The following DGKB variants were observed in gnomAD, a reference collection of about 807,000 sequenced individuals.
The protein encoded by DGKB is 90 kDa diacylglycerol kinase.
A neutral mutation model predicts 114.3 loss-of-function variants in DGKB; 67 were observed. The observed-to-expected ratio is 0.59, with a 90% CI of 0.48 to 0.72. The LOEUF is 0.72. Ranked by LOEUF, DGKB falls within the 30% of genes least tolerant of loss-of-function variation. The probability of loss-of-function intolerance (pLI) is 0.00; values close to 1 mark genes in which losing one functional copy is unlikely to be tolerated. For synonymous variants in DGKB, 398 were observed against 323.1 expected, an observed-to-expected ratio of 1.23 and a Z score of -2.49; for missense variants, 907 against 975.2, an observed-to-expected ratio of 0.93 and a Z score of 0.93.
chr7:14,666,919 C>T (rs1458646896), intron 13 of DGKB, among the ~76,000 whole-genome samples: 1 of 151,896 alleles, frequency 6.6e-6, no homozygotes, highest in Admixed American at 6.6e-5. Context: ...CCTCAGAAAA[C>T]TAATTATATC....
At chr7:14,684,522 G>T (rs990550182) in intron 10 of DGKB, among the ~76,000 whole-genome samples, 1 of 152,088 alleles carries the variant, frequency 6.6e-6, no homozygotes, top group Admixed American at 6.6e-5. Flanking sequence ...AGGTAGATAT[G>T]CTGTAGATTT....
At chr7:14,905,244 GT>G (rs55752603), upstream of DGKB, among the ~76,000 whole-genome samples, 2,746 of 139,322 alleles carry the variant, frequency 0.02, 35 homozygotes, top group African/African-American at 0.031. Flanking sequence ...CATCTTGTTA[GT>G]TTTTTTTTTT....
At chr7:14,306,467 A>G (rs2128497326) in intron 23 of DGKB, among the ~76,000 whole-genome samples, 1 of 152,230 alleles carries the variant, frequency 6.6e-6, no homozygotes, top group East Asian at 1.9e-4. Context: ...TAATAACAAT[A>G]AAATCAATGC....
intron 1 of DGKB, among the ~76,000 whole-genome samples, chr7:14,961,273 GAAC>G (rs1786828916): frequency 6.6e-6 from 1 of 151,832 alleles, no homozygotes; most frequent in African/African-American, 2.4e-5. Context: ...AAAGTTTTTT[GAAC>G]AAAACATTGA....
In DGKB at chr7:14,519,274, G is replaced by A. The variant is rs567797931; in HGVS notation, c.1771-41049C>T. Among the ~76,000 whole-genome samples the A allele has an allele frequency of 1.4e-3, 219 of 151,884 alleles. 1 individual carries two copies. The highest frequency in any genetic ancestry group is 2.5e-3 in the Non-Finnish European group (170 of 67,910). On this transcript the variant is annotated intron_variant, in intron 20 of 25. Transcript: ENST00000402815. ...TCTCTCCTCTGACCACCAGCCTCAGGCAACCTCTGATATAAATTTTTTTCT... is the reference window on the plus strand; with the variant it reads ...TCTCTCCTCTGACCACCAGCCTCAGACAACCTCTGATATAAATTTTTTTCT...
At chr7:14,686,179 A>G (rs956766415) in intron 9 of DGKB, among the ~76,000 whole-genome samples, 2 of 151,996 alleles carry the variant, frequency 1.3e-5, no homozygotes, top group East Asian at 3.9e-4. Context: ...AAAACACTTT[A>G]TTTTTTTCTC....
chr7:14,913,976 G>C (rs1784115731), intron 1 of DGKB, among the ~76,000 whole-genome samples: 1 of 152,166 alleles, frequency 6.6e-6, no homozygotes. Context: ...CAAGTAACTG[G>C]TATTAATAGT....
intron 1 of DGKB, among the ~76,000 whole-genome samples, chr7:14,920,061 A>G (rs2128246799): frequency 6.6e-6 from 1 of 152,334 alleles, no homozygotes; most frequent in East Asian, 1.9e-4. Flanking sequence ...ACAAACATGT[A>G]GAGGATGACA....
chr7:14,231,127 C>CTTT (rs1554297195), intron 23 of DGKB, among the ~76,000 whole-genome samples: 9 of 125,100 alleles, frequency 7.2e-5, no homozygotes, highest in South Asian at 2.6e-4. Flanking sequence ...TTCTTTCTTT[C>CTTT]TTTCTTTCTT....
chr7:14,194,703 A>G (rs1030175995), intron 23 of DGKB, among the ~76,000 whole-genome samples: 2 of 152,168 alleles, frequency 1.3e-5, no homozygotes. Flanking sequence ...ATATATATTC[A>G]TAGTGGAAGC....
chr7:14,644,044 G>A (rs1812405057), intron 13 of DGKB, among the ~76,000 whole-genome samples: 2 of 151,398 alleles, frequency 1.3e-5, no homozygotes, highest in South Asian at 4.2e-4. Context: ...AGAAAGTTAT[G>A]ACAGAGCCTC....
At chr7:14,676,680 C>A (rs1370606853) in intron 12 of DGKB, among the ~76,000 whole-genome samples, 1 of 151,942 alleles carries the variant, frequency 6.6e-6, no homozygotes, top group Non-Finnish European at 1.5e-5. Flanking sequence ...CAGCTGGGTC[C>A]TTCTCAGTGT....
chr7:14,784,046 G>A (rs1211263873), intron 2 of DGKB, among the ~76,000 whole-genome samples: 1 of 152,048 alleles, frequency 6.6e-6, no homozygotes, highest in East Asian at 1.9e-4. Flanking sequence ...ATATAATGTT[G>A]AGTTTTACTG....
chr7:14,669,894 AT>A (rs2128941997), intron 13 of DGKB, among the ~76,000 whole-genome samples: 1 of 152,274 alleles, frequency 6.6e-6, no homozygotes, highest in South Asian at 2.1e-4. Context: ...GATAATAAGG[AT>A]GTAACCTCTC....
intron 23 of DGKB, among the ~76,000 whole-genome samples, chr7:14,301,851 A>T (rs1243127479): frequency 6.6e-6 from 1 of 152,134 alleles, no homozygotes; most frequent in South Asian, 2.1e-4. Context: ...TCAAGTGTAC[A>T]GTGCTTTTGT....
intron 20 of DGKB, among the ~76,000 whole-genome samples, chr7:14,570,423 G>T (rs557903719): frequency 4.0e-4 from 61 of 152,110 alleles, no homozygotes; most frequent in African/African-American, 1.4e-3. Flanking sequence ...ATGGGAGTTA[G>T]GGGTGCTGAC....
intron 20 of DGKB, among the ~76,000 whole-genome samples, chr7:14,570,129 T>C (rs913163324): frequency 3.3e-5 from 5 of 151,456 alleles, no homozygotes; most frequent in South Asian, 2.1e-4. Flanking sequence ...ATTATTTTTA[T>C]TACTTTTTTA....
chr7:14,586,560 T>G (rs1018345851), intron 17 of DGKB, among the ~76,000 whole-genome samples: 6 of 152,148 alleles, frequency 3.9e-5, no homozygotes, highest in Non-Finnish European at 8.8e-5. Flanking sequence ...CAACATAGCC[T>G]TCTAATGGAA....
At chr7:14,358,158 C>A (rs1434866121) in intron 21 of DGKB, among the ~76,000 whole-genome samples, 2 of 152,212 alleles carry the variant, frequency 1.3e-5, no homozygotes, top group South Asian at 2.1e-4. Context: ...GTTTGGGGAA[C>A]TTCTCCTGGA....
Sources: allele counts gnomAD v4.1 joint callset (sites outside exome capture counted in the v4.1 genomes callset), GRCh38; gene constraint gnomAD v4.1.1; transcripts MANE v1.5; gene names NCBI Gene and HGNC (gene_info 2026-07-23, HGNC 2026-07-21).